The following CTNNA3 variants were observed in gnomAD, a reference collection of about 807,000 sequenced individuals.
The protein encoded by CTNNA3 is catenin alpha-3.
In CTNNA3, 76 loss-of-function variants were observed where a neutral mutation model predicts 95.7. The observed-to-expected ratio is 0.79, with a 90% CI of 0.66 to 0.96. CTNNA3 has a LOEUF of 0.96. Ranked by LOEUF, CTNNA3 falls within the 40% of genes least tolerant of loss-of-function variation. The probability of loss-of-function intolerance (pLI) is 0.00; values close to 1 mark genes in which losing one functional copy is unlikely to be tolerated. For missense variants in CTNNA3, 1,191 were observed against 1,089.8 expected (o/e 1.09, Z -1.31); for synonymous variants, 431 against 374.4 (o/e 1.15, Z -1.74).
chr10:66,277,292 T>A (rs1209468929), intron 13 of CTNNA3, among the ~76,000 whole-genome samples: 1 of 152,152 alleles, frequency 6.6e-6, no homozygotes, highest in Non-Finnish European at 1.5e-5. Flanking sequence ...CTGAAGAGTA[T>A]TCATAAAAAT....
chr10:67,233,125 A>G (rs1012048865), intron 5 of CTNNA3, among the ~76,000 whole-genome samples: 1 of 152,226 alleles, frequency 6.6e-6, no homozygotes. Flanking sequence ...CAACAAAGAT[A>G]TCCAGGAATT....
intron 7 of CTNNA3, among the ~76,000 whole-genome samples, chr10:67,166,478 C>T (rs1021786647): frequency 1.3e-5 from 2 of 151,856 alleles, no homozygotes; most frequent in Admixed American, 6.6e-5. Context: ...ATTTTTAACC[C>T]GAGACTTAAA....
chr10:66,716,302 T>C (rs563492111), intron 9 of CTNNA3, among the ~76,000 whole-genome samples: 1 of 152,292 alleles, frequency 6.6e-6, no homozygotes, highest in East Asian at 1.9e-4. Context: ...TCCTCGATTC[T>C]GCAATGATTT....
chr10:66,546,592 G>A (rs2132092960), intron 10 of CTNNA3, among the ~76,000 whole-genome samples: 1 of 152,250 alleles, frequency 6.6e-6, no homozygotes, highest in African/African-American at 2.4e-5. Context: ...AGGTGAAGGG[G>A]AAGCAAGGCA....
chr10:67,716,879 T>C (rs1021265051), intron 1 of CTNNA3, among the ~76,000 whole-genome samples: 6 of 152,164 alleles, frequency 3.9e-5, no homozygotes, highest in African/African-American at 1.2e-4. Context: ...TGGTTCTAGA[T>C]CCTTGAGGAA....
chr10:66,563,732 A>T (rs1842622503), intron 10 of CTNNA3, among the ~76,000 whole-genome samples: 1 of 152,134 alleles, frequency 6.6e-6, no homozygotes, highest in African/African-American at 2.4e-5. Flanking sequence ...GAACTAAGTC[A>T]TCCCTCTGCT....
intron 7 of CTNNA3, among the ~76,000 whole-genome samples, chr10:67,046,214 A>T (rs1854733792): frequency 6.6e-6 from 1 of 152,036 alleles, no homozygotes; most frequent in South Asian, 2.1e-4. Context: ...CAATTTAAAG[A>T]CCCCGTGTCA....
At chr10:67,516,257 T>C (rs919518288) in intron 5 of CTNNA3, among the ~76,000 whole-genome samples, 2 of 152,206 alleles carry the variant, frequency 1.3e-5, no homozygotes, top group African/African-American at 4.8e-5. Context: ...AGTTAGTCCC[T>C]ACCTTATAAG....
rs146459751 is a variant in CTNNA3, at chr10:66,423,862, T to G, written c.1532-44510A>C. On this transcript the variant is annotated intron_variant, in intron 11 of 17. Transcript: ENST00000433211. ...TGAGCTGCTTTTTGTGTTTCTTTCCTCTTTCTTTAACTCTTACAGAATTTG... is the reference window on the plus strand; with the variant it reads ...TGAGCTGCTTTTTGTGTTTCTTTCCGCTTTCTTTAACTCTTACAGAATTTG... 6.9e-3 allele frequency among the ~76,000 whole-genome samples: 1,047 copies of G among 152,056 alleles called. 11 individuals carry two copies. Among genetic ancestry groups the G allele is most frequent in the African/African-American group, 0.024 (997 of 41,326 alleles).
intron 3 of CTNNA3, among the ~76,000 whole-genome samples, chr10:67,594,432 C>T (rs1380267586): frequency 2.6e-5 from 4 of 152,096 alleles, no homozygotes; most frequent in Non-Finnish European, 5.9e-5. Context: ...AATTTCAGAA[C>T]TCATTACTGA....
At chr10:66,451,212 TAAGAC>T in intron 11 of CTNNA3, among the ~76,000 whole-genome samples, 1 of 152,298 alleles carries the variant, frequency 6.6e-6, no homozygotes, top group South Asian at 2.1e-4. Flanking sequence ...TTGTGTGAGT[TAAGAC>T]AAGATGATCA....
At chr10:66,135,903 ATT>A (rs199981098) in intron 13 of CTNNA3, among the ~76,000 whole-genome samples, 64 of 143,488 alleles carry the variant, frequency 4.5e-4, no homozygotes, top group African/African-American at 1.2e-3. Flanking sequence ...ATGTAACACA[ATT>A]TTTTTTTTTT....
chr10:67,143,658 C>T (rs1860702343), intron 7 of CTNNA3, among the ~76,000 whole-genome samples: 1 of 152,048 alleles, frequency 6.6e-6, no homozygotes, highest in African/African-American at 2.4e-5. Context: ...CCATAGAAGC[C>T]ACTTCTAATC....
chr10:66,625,924 G>A (rs10822859), intron 9 of CTNNA3, among the ~76,000 whole-genome samples: 50,537 of 151,880 alleles, frequency 0.33, 8,831 homozygotes, highest in Middle Eastern at 0.51. Context: ...GAAACAAAAG[G>A]ATGAGTCACC....
chr10:66,061,573 T>A (rs1470382928), intron 15 of CTNNA3, among the ~76,000 whole-genome samples: 1 of 152,064 alleles, frequency 6.6e-6, no homozygotes, highest in African/African-American at 2.4e-5. Flanking sequence ...TATCTCCTAC[T>A]TCATAAAAAG....
At chr10:66,980,938 C>T (rs1416706464) in intron 7 of CTNNA3, among the ~76,000 whole-genome samples, 2 of 152,152 alleles carry the variant, frequency 1.3e-5, no homozygotes, top group Admixed American at 6.6e-5. Context: ...CAGAGTTTCA[C>T]TCTTGTTGCC....
intron 13 of CTNNA3, among the ~76,000 whole-genome samples, chr10:66,134,321 T>A (rs984893099): frequency 7.9e-5 from 12 of 152,152 alleles, no homozygotes; most frequent in Non-Finnish European, 1.8e-4. Context: ...TTTCATGCAC[T>A]GGTGGTTAGA....
chr10:66,440,976 C>T (rs1286164723), intron 11 of CTNNA3, among the ~76,000 whole-genome samples: 1 of 126,624 alleles, frequency 7.9e-6, no homozygotes, highest in African/African-American at 3.3e-5. Context: ...TTATTAATAA[C>T]TGTAAGTGAG....
rs1467246096 is a variant in CTNNA3, at chr10:67,652,006, G to A, written c.-5-4488C>T. On this transcript the variant is annotated intron_variant, in intron 1 of 17. Transcript: ENST00000433211. ...ATATCATAGACTGGGTGGCTTAAAC[G>A]ACAAACATTTACTTCTCACAGTTCT... 2.6e-5 allele frequency among the ~76,000 whole-genome samples: 4 copies of A among 152,270 alleles called. No homozygotes were observed. In the South Asian group the frequency reaches 6.2e-4, roughly 24 times the overall value.
Sources: gnomAD v4.1 joint callset for allele counts (sites outside exome capture counted in the v4.1 genomes callset) on GRCh38, gnomAD v4.1.1 for gene constraint, MANE v1.5 for transcripts, NCBI Gene and HGNC (gene_info 2026-07-23, HGNC 2026-07-21) for gene names.